RAVER1: variants seen among roughly 807,000 people sequenced by gnomAD.
RAVER1 encodes ribonucleoprotein PTB-binding 1.
RAVER1 carries 36 observed loss-of-function variants against 68.4 expected under a neutral mutation model. The ratio of observed to expected loss-of-function variants is 0.53; its 90% CI spans 0.40 to 0.70. The LOEUF is 0.70. Among genes scored for constraint, RAVER1 ranks in the 30% least tolerant of loss-of-function variants. The probability of loss-of-function intolerance (pLI) is 0.00; values close to 1 mark genes in which losing one functional copy is unlikely to be tolerated. For missense variants in RAVER1, 933 were observed against 1,019.8 expected, an observed-to-expected ratio of 0.91 and a Z score of 1.16; for synonymous variants, 469 against 472.7, an observed-to-expected ratio of 0.99 and a Z score of 0.10.
chr19:10,329,017 C>T lies in RAVER1; in HGVS notation c.381G>A (p.Leu127=), dbSNP rs368366256. 1.4e-4 allele frequency: 225 copies of T among 1,570,234 alleles called. No individual in the cohort carries two copies. Among genetic ancestry groups the T allele is most frequent in the Non-Finnish European group, 1.9e-4 (217 of 1,155,184 alleles). The part of the protein sequence containing the change: ...RLRERELSVQ[L]QPTDALLCVA... ...CACACAGCAGGGCATCCGTGGGCTG[C>T]AGCTGCACCGACAGTTCACGCTCCC... The change falls in exon 3 of 13, where the codon CTG becomes CTA. Residue 127 remains leucine (L), a synonymous_variant. Coordinates refer to ENST00000617231, the MANE Select transcript of RAVER1 (RefSeq NM_133452.3). This position sits in a 1 kb window ranked among gnomAD's most constrained non-coding sequence, Gnocchi z 4.6.
Position 10,317,762 on chromosome 19 carries a change from A to C in RAVER1, c.2001T>G (p.Ser667=), listed in dbSNP as rs1474910485. 2 of 1,586,554 alleles carry C rather than the reference A, an allele frequency of 1.3e-6. No homozygotes were observed. Among genetic ancestry groups the C allele is most frequent in the Non-Finnish European group, 1.7e-6 (2 of 1,165,536 alleles). ...KQSHLSKAIG[S]SPLGSGEGLL... The stretch of plus-strand genomic sequence containing the variant: ...GCCCTTCTCCGGACCCCAGCGGGGA[A>C]GAGCCGATTGCCTGGGAGAAATGGA... The change falls in exon 12 of 13, where the codon TCT becomes TCG. Residue 667 remains serine (S), a synonymous_variant. Coordinates refer to ENST00000617231, the MANE Select transcript of RAVER1 (RefSeq NM_133452.3). The surrounding 1 kb of genome is among the most constrained non-coding windows in gnomAD (Gnocchi z 4.3).
At chr19:10,320,513 A>G in intron 9 of RAVER1, 142 bp downstream of exon 9, 1 of 728,994 alleles carries the variant, frequency 1.4e-6, no homozygotes, top group Non-Finnish European at 2.1e-6. Flanking sequence ...CTAAAAAAAA[A>G]AAAAAAAAAA....
At position 10,323,030 on chromosome 19, in the gene RAVER1, C is replaced by T. The variant is rs972088983; in HGVS notation, c.1078+115G>A. 7 of 907,614 alleles carry T rather than the reference C, an allele frequency of 7.7e-6. No individual in the cohort carries two copies. Among genetic ancestry groups the T allele is most frequent in the African/African-American group, 3.4e-5 (2 of 59,124 alleles). 56.2% of individuals were successfully genotyped at this position (907,614 alleles called of 1,614,324 possible). On this transcript the variant is annotated intron_variant, in intron 5 of 12. Transcript: ENST00000617231. The surrounding 1 kb of genome is among the most constrained non-coding windows in gnomAD (Gnocchi z 6.2). Reference sequence around the variant, plus strand: ...GCTATGACTCCATACTCCCCCTCGGCCCTACTCCTGGGGCTCCTGTCACTG... The same window carrying T: ...GCTATGACTCCATACTCCCCCTCGGTCCTACTCCTGGGGCTCCTGTCACTG...
Position 10,333,359 on chromosome 19 carries a change from T to A in RAVER1, c.149A>T (p.His50Leu), listed in dbSNP as rs549902965. 1.2e-6 allele frequency: 2 copies of A among 1,613,894 alleles called. No homozygotes were observed. Among genetic ancestry groups the A allele is most frequent in the Non-Finnish European group, 1.7e-6 (2 of 1,179,806 alleles). ...GCGGTTACGGAACTGGCGCTCGGTG[T>A]GTTCCAGGCGTTTCCGGATCTCTTC... is the stretch of plus-strand genomic sequence containing the variant. ...DPEEIRKRLEHTERQFRNRRK... is the reference protein window; with the variant it reads ...DPEEIRKRLELTERQFRNRRK... Residue 50 changes from histidine to leucine, a missense_variant, in exon 1 of 13, where the codon CAC becomes CTC. By Grantham distance (99) the His-to-Leu change is moderately conservative. This residue lies in a region of RAVER1 where 211 missense variants were observed against 230.0 expected (regional missense o/e 0.92). Transcript: ENST00000617231. The surrounding 1 kb of genome is among the most constrained non-coding windows in gnomAD (Gnocchi z 4.2).
rs1261620938 is a variant in RAVER1, at chr19:10,320,696, C to T, written c.1729G>A (p.Glu577Lys). Residue 577 changes from glutamate (E) to lysine (K), a missense_variant, in exon 9 of 13, where the codon GAA (glutamate) becomes AAA (lysine). Transcript: ENST00000617231. ...SPLSSARLPP[E>K]PGLSDSYSFD... ...CTGTAGCTGTCAGACAGTCCTGGTT[C>T]GGGGGGCAGGCGGGCGCTGCTGAGG... is the stretch of plus-strand genomic sequence containing the variant. The T allele has an allele frequency of 5.8e-6, 9 of 1,539,962 alleles. No homozygotes were observed. Among genetic ancestry groups the T allele is most frequent in the South Asian group, 3.7e-5 (3 of 81,460 alleles).
At position 10,330,481 on chromosome 19, in the gene RAVER1, C is replaced by G; in HGVS notation, c.265G>C (p.Val89Leu). 6.5e-7 allele frequency: 1 copy of G among 1,541,330 alleles called. No homozygotes were observed. The highest frequency in any genetic ancestry group is 8.9e-7 in the Non-Finnish European group (1 of 1,127,822). The change falls in exon 2 of 13, where the codon GTG (valine) becomes CTG (leucine). Residue 89 changes from valine (V) to leucine (L), a missense_variant. Physicochemically the swap from Val to Leu is conservative, Grantham distance 32. Coordinates refer to ENST00000617231, the MANE Select transcript of RAVER1 (RefSeq NM_133452.3). ...AAACCTGTCCCTTTGTATTTGTCCA[C>G]AAAACAGTATTTGAGCTCATAGTCA... ...LSDYELKYCF[V>L]DKYKGTAFVT...
rs2040488975 is a variant in RAVER1 at position 10,328,268 on chromosome 19, G to A, written c.756+374C>T. ...ACAGTGAGGCCTGAGGCTGCAGAGGGATTCAAATCCCCTGGCCAGGTGTGG... is the reference window on the plus strand; with the variant it reads ...ACAGTGAGGCCTGAGGCTGCAGAGGAATTCAAATCCCCTGGCCAGGTGTGG... On this transcript the variant is annotated intron_variant, in intron 3 of 12. Transcript: ENST00000617231. This position sits in a 1 kb window ranked among gnomAD's most constrained non-coding sequence, Gnocchi z 4.4. Among the ~76,000 whole-genome samples, 2 of 152,252 alleles carry A rather than the reference G, an allele frequency of 1.3e-5. No homozygotes were observed. Among genetic ancestry groups the A allele is most frequent in the South Asian group, 4.1e-4 (2 of 4,824 alleles).
chr19:10,331,223 G>A (rs2040513841), intron 1 of RAVER1, among the ~76,000 whole-genome samples: 1 of 151,044 alleles, frequency 6.6e-6, no homozygotes, highest in Admixed American at 6.6e-5. Context: ...GGTGGCAGGC[G>A]CCTGTATTCC....
At position 10,329,402 on chromosome 19, in the gene RAVER1, T is replaced by C. The variant is rs1288322131; in HGVS notation, c.287-291A>G. ...AGAACGCTGTGGGTCACTCGGGTGA[T>C]ACCAAGGGCAGTGGTTAAGCCCATG... On this transcript the variant is annotated intron_variant, in intron 2 of 12. Transcript: ENST00000617231. The surrounding 1 kb of genome is among the most constrained non-coding windows in gnomAD (Gnocchi z 4.6). Among the ~76,000 whole-genome samples the C allele has an allele frequency of 6.6e-6, 1 of 152,232 alleles. No homozygotes were observed. The highest frequency in any genetic ancestry group is 1.5e-5 in the Non-Finnish European group (1 of 68,038).
rs886789667 is a variant in RAVER1, at chr19:10,316,299, G to C, written c.*1155C>G. 1.6e-5 allele frequency: 20 copies of C among 1,215,068 alleles called. No homozygotes were observed. Among genetic ancestry groups the C allele is most frequent in the Non-Finnish European group, 2.0e-5 (19 of 973,462 alleles). The allele number at this position is 1,215,068 out of a possible 1,614,324, so 75.3% of individuals were successfully genotyped here. On this transcript the variant is annotated 3_prime_UTR_variant, in exon 13 of 13. Coordinates refer to ENST00000617231, the MANE Select transcript of RAVER1 (RefSeq NM_133452.3). Reference sequence around the variant, plus strand: ...GTGGGGTCGGGGGAATAGTCCCCTTGGAGTGGATGTGGACCCCCAGAGTCA... The same window carrying C: ...GTGGGGTCGGGGGAATAGTCCCCTTCGAGTGGATGTGGACCCCCAGAGTCA...
rs988976631 is a variant in RAVER1, at chr19:10,322,332, C to T, written c.1173+313G>A. On this transcript the variant is annotated intron_variant, in intron 6 of 12. Coordinates refer to ENST00000617231, the MANE Select transcript of RAVER1 (RefSeq NM_133452.3). The surrounding 1 kb of genome is among the most constrained non-coding windows in gnomAD (Gnocchi z 4.3). ...AGTCTATTCACAAACTGGTGCCCAG[C>T]AGCGGCGCTCCCAGCCCACACCCAG... 14 of 378,560 alleles carry T rather than the reference C, an allele frequency of 3.7e-5. No homozygotes were observed. Among genetic ancestry groups the T allele is most frequent in the Non-Finnish European group, 6.6e-5 (14 of 211,238 alleles). 23.5% of individuals were successfully genotyped at this position (378,560 alleles called of 1,614,324 possible). A position where few individuals can be genotyped will look rare whatever the true frequency, so the allele number is the denominator to read the frequency against.
intron 3 of RAVER1, among the ~76,000 whole-genome samples, chr19:10,326,054 A>C (rs1261177666): frequency 6.6e-6 from 1 of 152,062 alleles, no homozygotes; most frequent in Non-Finnish European, 1.5e-5. Flanking sequence ...TCAGGAGTTC[A>C]AGACCAGCCT....
rs751621218 is a variant in RAVER1 at position 10,323,558 on chromosome 19, G to A, written c.765C>T (p.Cys255=). ...AGCCCTTCAGCTGCCCATCCTGGCC[G>A]CACGCCAGCTGCCGGAGGAAGGCAG... is the stretch of plus-strand genomic sequence containing the variant. ...VHSPTFCQLA[C]GQDGQLKGFA... is the part of the protein sequence containing the mutation. Residue 255 remains cysteine, a synonymous_variant, in exon 4 of 13, where the codon TGC becomes TGT. Coordinates refer to ENST00000617231, the MANE Select transcript of RAVER1 (RefSeq NM_133452.3). This position sits in a 1 kb window ranked among gnomAD's most constrained non-coding sequence, Gnocchi z 6.2. 18 of 1,583,610 alleles carry A rather than the reference G, an allele frequency of 1.1e-5. No homozygotes were observed. Among genetic ancestry groups the A allele is most frequent in the East Asian group, 9.0e-5 (4 of 44,410 alleles).
In RAVER1 at chr19:10,323,104, CCT is replaced by C. The variant is rs771256059; in HGVS notation, c.1078+39_1078+40del. ...AAGTGCCGGGGGCAGCGCTGCAGCC[CCT>C]GTTCTGCACAGTGGGGCCCCTGTCC... On this transcript the variant is annotated intron_variant, in intron 5 of 12. Transcript: ENST00000617231. This position sits in a 1 kb window ranked among gnomAD's most constrained non-coding sequence, Gnocchi z 6.2. 8.1e-5 allele frequency: 121 copies of C among 1,495,480 alleles called. 1 individual carries two copies. The highest frequency in any genetic ancestry group is 2.3e-4 in the African/African-American group (16 of 70,952). The allele number at this position is 1,495,480 out of a possible 1,614,324, so 92.6% of individuals were successfully genotyped here.
Position 10,316,570 on chromosome 19 carries a change from G to A in RAVER1, c.*884C>T. 2.0e-6 allele frequency: 2 copies of A among 986,476 alleles called. No homozygotes were observed. Among genetic ancestry groups the A allele is most frequent in the Non-Finnish European group, 2.4e-6 (2 of 830,574 alleles). 61.1% of individuals were successfully genotyped at this position (986,476 alleles called of 1,614,324 possible). ...ATGGGCACAATGTCCGACTCCCACA[G>A]ACAGACAGCAGGGGACTGGCAGAGA... On this transcript the variant is annotated 3_prime_UTR_variant, in exon 13 of 13. Coordinates refer to ENST00000617231, the MANE Select transcript of RAVER1 (RefSeq NM_133452.3).
chr19:10,321,168 C>T lies in RAVER1; in HGVS notation c.1353G>A (p.Glu451=). 7.8e-7 allele frequency: 1 copy of T among 1,287,500 alleles called. No individual in the cohort carries two copies. 79.8% of individuals were successfully genotyped at this position (1,287,500 alleles called of 1,614,324 possible). A position where few individuals can be genotyped will look rare whatever the true frequency, so the allele number is the denominator to read the frequency against. ...SVLGPAGGDR[E]ALGLGPPAAQ... ...CCGCTGGGGGACCCAAGCCCAGGGC[C>T]TCCCGGTCACCCCCAGCAGGGCCAA... Residue 451 remains glutamate (E), a synonymous_variant, in exon 8 of 13, where the codon GAG becomes GAA. Coordinates refer to ENST00000617231, the MANE Select transcript of RAVER1 (RefSeq NM_133452.3).
chr19:10,316,640 G>A lies in RAVER1; in HGVS notation c.*814C>T, dbSNP rs1266977317. 8.9e-6 allele frequency: 8 copies of A among 902,900 alleles called. No individual in the cohort carries two copies. The highest frequency in any genetic ancestry group is 5.4e-5 in the African/African-American group (3 of 55,710). 55.9% of individuals were successfully genotyped at this position (902,900 alleles called of 1,614,324 possible). ...GGCCCGGGTAGGAGGGGGTGGTGGG[G>A]CCGGTTCGCCAAGATGAAGGCTTTC... On this transcript the variant is annotated 3_prime_UTR_variant, in exon 13 of 13. Coordinates refer to ENST00000617231, the MANE Select transcript of RAVER1 (RefSeq NM_133452.3).
In RAVER1 at chr19:10,322,444, T is replaced by A; in HGVS notation, c.1173+201A>T. ...GGCGCTCTCAGAATGGAGGGAAAGA[T>A]GGCGAACCATCATGAGCAATTGCCA... On this transcript the variant is annotated intron_variant, in intron 6 of 12. Transcript: ENST00000617231. This position sits in a 1 kb window ranked among gnomAD's most constrained non-coding sequence, Gnocchi z 4.3. 1.9e-6 allele frequency: 1 copy of A among 515,286 alleles called. No homozygotes were observed. The highest frequency in any genetic ancestry group is 2.9e-5 in the South Asian group (1 of 34,904). 31.9% of individuals were successfully genotyped at this position (515,286 alleles called of 1,614,324 possible). A position where few individuals can be genotyped will look rare whatever the true frequency, so the allele number is the denominator to read the frequency against.
chr19:10,324,051 G>A (rs1038444978), intron 3 of RAVER1, among the ~76,000 whole-genome samples: 1 of 152,084 alleles, frequency 6.6e-6, no homozygotes. Flanking sequence ...GGGAGGCTGA[G>A]GCAGAGGCAA....
Sources: gnomAD v4.1 joint callset for allele counts (sites outside exome capture counted in the v4.1 genomes callset) on GRCh38, gnomAD v4.1.1 for gene constraint, gnomAD v4.1.1 regional missense constraint, Gnocchi (gnomAD v3.1) non-coding constraint, MANE v1.5 for transcripts, NCBI Gene and HGNC (gene_info 2026-07-23, HGNC 2026-07-21) for gene names.